RANBP2: variants seen among roughly 807,000 people sequenced by gnomAD.
RANBP2 encodes E3 SUMO-protein ligase RanBP2.
In RANBP2, 57 loss-of-function variants were observed where a neutral mutation model predicts 303.6. The observed-to-expected ratio is 0.19, with a 90% confidence interval of 0.15 to 0.23. The LOEUF (loss-of-function observed/expected upper bound fraction) is 0.23. Ranked by LOEUF, RANBP2 falls within the 10% of genes least tolerant of loss-of-function variation. The probability of loss-of-function intolerance (pLI) is 1.00; values close to 1 mark genes in which losing one functional copy is unlikely to be tolerated. For missense variants in RANBP2, 3,138 were observed against 3,780.8 expected (o/e 0.83, Z 4.46); for synonymous variants, 1,167 against 1,301.5 (o/e 0.90, Z 2.23).
At chr2:109,184,535 G>C in the RANBP2 span, among the ~76,000 whole-genome samples, 2 of 152,174 alleles carry the variant, frequency 1.3e-5, no homozygotes, top group African/African-American at 4.8e-5. Flanking sequence ...TGGGCTGGGA[G>C]GCTGAGCTGT....
chr2:109,302,172 C>T, the RANBP2 span, among the ~76,000 whole-genome samples: 7 of 152,266 alleles, frequency 4.6e-5, no homozygotes, highest in South Asian at 4.1e-4. Flanking sequence ...GCAAAGCTGG[C>T]GTTGGTACTC....
chr2:109,153,483 C>T, the RANBP2 span, among the ~76,000 whole-genome samples: 3 of 152,172 alleles, frequency 2.0e-5, no homozygotes, highest in African/African-American at 7.2e-5. Context: ...ATAACTGAAA[C>T]TTGCCAGGAG....
chr2:109,568,571 G>A, the RANBP2 span, among the ~76,000 whole-genome samples: 2 of 151,974 alleles, frequency 1.3e-5, no homozygotes, highest in Non-Finnish European at 2.9e-5. Context: ...TCTTTCATTT[G>A]AATTTAGGTT....
In RANBP2 at chr2:108,765,875, T is replaced by G. The variant is rs750264854; in HGVS notation, c.5336T>G (p.Phe1779Cys). The change falls in exon 20 of 29, where the codon TTC becomes TGC. Residue 1779 changes from phenylalanine (F) to cysteine (C), a missense_variant. Coordinates refer to ENST00000283195, the MANE Select transcript of RANBP2 (RefSeq NM_006267.5). ...CCAAAGAGTGGATTTGAAGGAATGT[T>G]CATCAGGAAAGGACAGTGGGATTGT... ...KAPKSGFEGMFIRKGQWDCSV... is the reference protein window; with the variant it reads ...KAPKSGFEGMCIRKGQWDCSV... The G allele has an allele frequency of 4.3e-6, 7 of 1,613,934 alleles. No homozygotes were observed. The East Asian group carries it at 1.6e-4, about 36-fold the overall frequency.
chr2:109,545,051 T>C, the RANBP2 span: 3 of 985,456 alleles, frequency 3.0e-6, no homozygotes, highest in South Asian at 9.4e-5. Flanking sequence ...AGGTTATGTT[T>C]TCCTATTTTA....
At chr2:109,614,906 CCCCGCCCCCGCGCACTG>C in the RANBP2 span, 1 of 1,450,414 alleles carries the variant, frequency 6.9e-7, no homozygotes, top group Non-Finnish European at 9.0e-7. Context: ...AGGGAGAGCC[CCCCGCCCCCGCGCACTG>C]GCCGCCCCTG....
At chr2:108,845,747 A>G in the RANBP2 span, among the ~76,000 whole-genome samples, 2 of 151,618 alleles carry the variant, frequency 1.3e-5, no homozygotes, top group Admixed American at 1.3e-4. Context: ...ATTTTTTTGT[A>G]TTTTTAGTAG....
the RANBP2 span, among the ~76,000 whole-genome samples, chr2:108,863,599 G>A: frequency 6.6e-6 from 1 of 152,042 alleles, no homozygotes; most frequent in African/African-American, 2.4e-5. Context: ...TTTCTATTCT[G>A]GTTTGTTGAC....
chr2:108,721,738 C>T (rs1370244041), intron 1 of RANBP2, among the ~76,000 whole-genome samples: 1 of 151,942 alleles, frequency 6.6e-6, no homozygotes, highest in Non-Finnish European at 1.5e-5. Context: ...TGAGCCACTG[C>T]ACCGGCCATT....
the RANBP2 span, among the ~76,000 whole-genome samples, chr2:109,436,493 C>G: frequency 6.6e-6 from 1 of 152,240 alleles, no homozygotes; most frequent in African/African-American, 2.4e-5. Flanking sequence ...GGCCCGCGTC[C>G]TTGCCATCCT....
the RANBP2 span, among the ~76,000 whole-genome samples, chr2:109,221,523 G>A: frequency 4.6e-5 from 7 of 151,206 alleles, no homozygotes; most frequent in African/African-American, 9.8e-5. Context: ...CAGAGGCTGC[G>A]GTAAGCCGCG....
chr2:108,737,424 C>T (rs555072621), intron 6 of RANBP2, among the ~76,000 whole-genome samples: 10 of 150,120 alleles, frequency 6.7e-5, no homozygotes, highest in South Asian at 2.1e-4. Flanking sequence ...CTGTAACCTC[C>T]GCCTCCCTGG....
chr2:109,630,508 C>T, the RANBP2 span, among the ~76,000 whole-genome samples: 1 of 152,188 alleles, frequency 6.6e-6, no homozygotes, highest in Admixed American at 6.5e-5. Flanking sequence ...TGGAAACCAC[C>T]ATAAAGGCCA....
chr2:109,627,152 T>C, the RANBP2 span, among the ~76,000 whole-genome samples: 1 of 152,130 alleles, frequency 6.6e-6, no homozygotes, highest in Non-Finnish European at 1.5e-5. Flanking sequence ...GCCTGGGCAA[T>C]ACAGCAAGAC....
At chr2:109,117,735 T>TTGGGAGCTGTAGA in the RANBP2 span, among the ~76,000 whole-genome samples, 3 of 121,328 alleles carry the variant, frequency 2.5e-5, no homozygotes, top group African/African-American at 1.1e-4. Flanking sequence ...GTCGCTCACG[T>TTGGGAGCTGTAGA]TGGGAGCTGT....
chr2:108,831,179 A>G, the RANBP2 span, among the ~76,000 whole-genome samples: 1 of 133,722 alleles, frequency 7.5e-6, no homozygotes, highest in East Asian at 2.2e-4. Flanking sequence ...ACTCTGTCTC[A>G]AAAAAAAAGA....
chr2:108,815,075 C>T, the RANBP2 span, among the ~76,000 whole-genome samples: 1 of 152,022 alleles, frequency 6.6e-6, no homozygotes, highest in Admixed American at 6.6e-5. Context: ...TTATAAATTA[C>T]TTTGTTATTT....
the RANBP2 span, among the ~76,000 whole-genome samples, chr2:109,050,503 T>A: frequency 6.6e-6 from 1 of 152,096 alleles, no homozygotes; most frequent in Non-Finnish European, 1.5e-5. Context: ...AATCCTCCTG[T>A]CTCGGCCTCC....
the RANBP2 span, among the ~76,000 whole-genome samples, chr2:109,496,568 G>A: frequency 3.9e-5 from 6 of 152,208 alleles, no homozygotes; most frequent in African/African-American, 9.7e-5. Flanking sequence ...CGGCCTGGCC[G>A]ACTCCTGCCC....
Sources: gnomAD v4.1 joint callset for allele counts (sites outside exome capture counted in the v4.1 genomes callset) on GRCh38, gnomAD v4.1.1 for gene constraint, MANE v1.5 for transcripts, NCBI Gene and HGNC (gene_info 2026-07-23, HGNC 2026-07-21) for gene names.